The following WDR17 variants were observed in gnomAD, a reference collection of about 807,000 sequenced individuals.
The protein encoded by WDR17 is WD repeat domain 17, also known as WD repeat-containing protein 17.
WDR17 carries 143 observed loss-of-function variants against 161.7 expected under a neutral mutation model. That is an observed-to-expected ratio of 0.88 (90% confidence interval 0.77 to 1.02). WDR17 has a LOEUF of 1.02. Ranked by LOEUF, WDR17 falls within the 50% of genes least tolerant of loss-of-function variation. WDR17 has a pLI of 0.00. For synonymous variants in WDR17, 517 were observed against 515.6 expected, an observed-to-expected ratio of 1.00 and a Z score of -0.04; for missense variants, 1,469 against 1,520.9, an observed-to-expected ratio of 0.97 and a Z score of 0.57.
At chr4:176,079,540 A>G (rs984937178) in intron 1 of WDR17, among the ~76,000 whole-genome samples, 4 of 152,144 alleles carry the variant, frequency 2.6e-5, no homozygotes, top group African/African-American at 9.7e-5. Flanking sequence ...ACATACACAT[A>G]CACACTCATA....
intron 22 of WDR17, chr4:176,166,160 A>AT (rs746071855): frequency 1.1e-6 from 1 of 892,224 alleles, no homozygotes; most frequent in Non-Finnish European, 1.7e-6. Flanking sequence ...ATCTACTTTT[A>AT]TTTAAGAACA....
intron 21 of WDR17, among the ~76,000 whole-genome samples, chr4:176,162,612 A>G (rs1749194241): frequency 6.6e-6 from 1 of 152,182 alleles, no homozygotes; most frequent in African/African-American, 2.4e-5. Flanking sequence ...TTTCACATAT[A>G]TTTGTTAGGA....
intron 4 of WDR17, 106 bp downstream of exon 4, chr4:176,120,203 A>G: frequency 1.3e-6 from 1 of 749,854 alleles, no homozygotes; most frequent in Non-Finnish European, 2.0e-6. Flanking sequence ...GAATAAAACC[A>G]AAAGTGACAA....
chr4:176,138,184 G>T (rs17062515), intron 9 of WDR17, among the ~76,000 whole-genome samples: 38,556 of 151,378 alleles, frequency 0.25, 5,066 homozygotes, highest in African/African-American at 0.3. Context: ...TATGATCTGA[G>T]TACAAAATAT....
chr4:176,079,296 C>T (rs903913923), intron 1 of WDR17, among the ~76,000 whole-genome samples: 1 of 152,058 alleles, frequency 6.6e-6, no homozygotes, highest in African/African-American at 2.4e-5. Flanking sequence ...TTTGATCCTA[C>T]ATTTTGGCTA....
intron 3 of WDR17, among the ~76,000 whole-genome samples, chr4:176,117,420 A>G (rs1461956030): frequency 1.3e-5 from 2 of 152,070 alleles, no homozygotes; most frequent in Non-Finnish European, 2.9e-5. Context: ...TGTGCCATAA[A>G]CTAAAATGTT....
chr4:176,116,735 T>C (rs149138236), intron 3 of WDR17, among the ~76,000 whole-genome samples: 258 of 152,038 alleles, frequency 1.7e-3, no homozygotes, highest in African/African-American at 6.0e-3. Flanking sequence ...TGTTCAAATT[T>C]CTTTGTAATA....
Position 176,119,697 on chromosome 4 carries a change from T to G in WDR17, c.308-170T>G, listed in dbSNP as rs373003330. ...TCTTTCATCATGGACTTTCCCTGCC[T>G]ATGTTCCCTGCAGTCTTTGGGATTT... On this transcript the variant is annotated intron_variant, in intron 3 of 28. Coordinates refer to ENST00000508596, the MANE Select transcript of WDR17 (RefSeq NM_181265.4). Among the ~76,000 whole-genome samples the G allele has an allele frequency of 9.8e-5, 15 of 152,356 alleles. No individual in the cohort carries two copies. The East Asian group carries it at 2.1e-3, about 22-fold the overall frequency.
rs775324038 is a variant in WDR17 at position 176,119,863 on chromosome 4, C to A, written c.308-4C>A. On this transcript the variant is annotated splice_region_variant and splice_polypyrimidine_tract_variant and intron_variant, in intron 3 of 28. Transcript: ENST00000508596. ...ATTATGTATCTGTATTTAATGTATT[C>A]CAGGGATCCCTGCTTCTCTTAGTTG... 52 of 1,612,978 alleles carry A rather than the reference C, an allele frequency of 3.2e-5. No homozygotes were observed. The highest frequency in any genetic ancestry group is 4.4e-5 in the South Asian group (4 of 91,042).
Position 176,131,692 on chromosome 4 carries a change from G to A in WDR17, c.1052G>A (p.Gly351Glu). The change falls in exon 7 of 29, where the codon GGA (glycine) becomes GAA (glutamate). Residue 351 changes from glycine to glutamate, a missense_variant. Transcript: ENST00000508596. ...AVCCFLDGGV[G>E]LYDMGAKKWD... ...TGTTGTTTCTTGGATGGTGGAGTTG[G>A]ACTTTATGATATGGGAGCTAAGAAG... The A allele has an allele frequency of 1.2e-6, 2 of 1,613,044 alleles. No individual in the cohort carries two copies. The highest frequency in any genetic ancestry group is 1.7e-5 in the Admixed American group (1 of 59,890).
chr4:176,106,636 A>G (rs1738769737), intron 1 of WDR17, among the ~76,000 whole-genome samples: 2 of 152,236 alleles, frequency 1.3e-5, no homozygotes, highest in South Asian at 4.1e-4. Context: ...GGATTTCATG[A>G]AAATTAAAAA....
rs535769411 is a variant in WDR17, at chr4:176,163,366, T to G, written c.2990+73T>G. The G allele has an allele frequency of 3.1e-5, 46 of 1,479,648 alleles. No individual in the cohort carries two copies. The Admixed American group carries it at 6.6e-4, about 21-fold the overall frequency. The allele number at this position is 1,479,648 out of a possible 1,614,324, so 91.7% of individuals were successfully genotyped here. A position where few individuals can be genotyped will look rare whatever the true frequency, so the allele number is the denominator to read the frequency against. On this transcript the variant is annotated intron_variant, in intron 22 of 28. Coordinates refer to ENST00000508596, the MANE Select transcript of WDR17 (RefSeq NM_181265.4). ...TTTTTAAAACATTATAAATTCCATT[T>G]GATAAGATATGCATTGGGAGAATAT... is the stretch of plus-strand genomic sequence containing the variant.
At chr4:176,104,271 G>A (rs749889261) in intron 1 of WDR17, among the ~76,000 whole-genome samples, 5 of 152,050 alleles carry the variant, frequency 3.3e-5, no homozygotes, top group Non-Finnish European at 5.9e-5. Context: ...GCTCAAGGAA[G>A]TTCTGCAGGG....
intron 9 of WDR17, among the ~76,000 whole-genome samples, chr4:176,138,457 C>A (rs1054701233): frequency 2.6e-5 from 4 of 151,624 alleles, no homozygotes; most frequent in African/African-American, 9.7e-5. Context: ...CAATTTTGCA[C>A]TCAAAAAAGG....
intron 1 of WDR17, among the ~76,000 whole-genome samples, chr4:176,075,670 C>T (rs113620640): frequency 3.3e-5 from 5 of 152,056 alleles, no homozygotes; most frequent in Non-Finnish European, 7.4e-5. Context: ...TCTTTCTGTT[C>T]GTTTTCCCTT....
At chr4:176,143,644 A>C (rs113760921) in intron 11 of WDR17, among the ~76,000 whole-genome samples, 3,105 of 152,264 alleles carry the variant, frequency 0.02, 112 homozygotes, top group African/African-American at 0.071. Flanking sequence ...GTGCCACTGC[A>C]CTGCAGCCTG....
At chr4:176,097,101 A>G (rs1357626743) in intron 1 of WDR17, among the ~76,000 whole-genome samples, 2 of 152,004 alleles carry the variant, frequency 1.3e-5, no homozygotes, top group African/African-American at 2.4e-5. Context: ...CAACATTTGC[A>G]TAGTGTTTTG....
At chr4:176,076,283 A>C (rs1031691453) in intron 1 of WDR17, among the ~76,000 whole-genome samples, 2 of 147,834 alleles carry the variant, frequency 1.4e-5, no homozygotes, top group Non-Finnish European at 3.0e-5. Context: ...ATATACATGT[A>C]AGCAAAATAT....
At chr4:176,160,273 C>A in intron 19 of WDR17, 147 bp downstream of exon 19, 1 of 749,776 alleles carries the variant, frequency 1.3e-6, no homozygotes, top group South Asian at 3.6e-5. Flanking sequence ...TCTTTCTCAA[C>A]ATTTGAGAAC....
Sources: gnomAD v4.1 joint callset for allele counts (sites outside exome capture counted in the v4.1 genomes callset) on GRCh38, gnomAD v4.1.1 for gene constraint, MANE v1.5 for transcripts, NCBI Gene and HGNC (gene_info 2026-07-23, HGNC 2026-07-21) for gene names.